Variants in RIC3 observed in about 807,000 individuals in gnomAD.
RIC3 encodes RIC3 acetylcholine receptor chaperone, also known as protein RIC-3.
RIC3 carries 28 observed loss-of-function variants against 27.3 expected under a neutral mutation model. The observed-to-expected ratio is 1.02, with a 90% CI of 0.76 to 1.41. The LOEUF is 1.41. Among genes scored for constraint, RIC3 ranks in the 40% most tolerant of loss-of-function variants. The pLI is 0.00. For synonymous variants in RIC3, 184 were observed against 160.4 expected (o/e 1.15, Z -1.11); for missense variants, 501 against 444.7 (o/e 1.13, Z -1.14).
At chr11:8,147,206 T>C (rs2134039228) in intron 1 of RIC3, among the ~76,000 whole-genome samples, 2 of 152,350 alleles carry the variant, frequency 1.3e-5, no homozygotes, top group South Asian at 4.1e-4. Flanking sequence ...CAAACCAATG[T>C]ACTTCTTACA....
Position 8,110,329 on chromosome 11 carries a change from A to G in RIC3, c.*369T>C. Reference sequence around the variant, plus strand: ...GCAACCTTAAGTCCTCATCATCTGTAAGCTGATGTTCGTTCACAGGTGAAC... The same window carrying G: ...GCAACCTTAAGTCCTCATCATCTGTGAGCTGATGTTCGTTCACAGGTGAAC... On this transcript the variant is annotated 3_prime_UTR_variant, in exon 6 of 6. Transcript: ENST00000309737. The G allele has an allele frequency of 2.8e-6, 1 of 361,832 alleles. No homozygotes were observed. Among genetic ancestry groups the G allele is most frequent in the Non-Finnish European group, 5.3e-6 (1 of 188,296 alleles). The allele number at this position is 361,832 out of a possible 1,614,324, so 22.4% of individuals were successfully genotyped here. A position where few individuals can be genotyped will look rare whatever the true frequency, so the allele number is the denominator to read the frequency against.
At chr11:8,168,699 C>T (rs577527730) in intron 1 of RIC3, among the ~76,000 whole-genome samples, 167 bp downstream of exon 1, 2 of 152,368 alleles carry the variant, frequency 1.3e-5, no homozygotes, top group Admixed American at 6.5e-5. Context: ...CTGATAACAA[C>T]GGAACCGTGG....
chr11:8,101,850 T>C, downstream of RIC3: 2 of 482,828 alleles, frequency 4.1e-6, no homozygotes, highest in Non-Finnish European at 3.4e-6. Context: ...GAATAATTCT[T>C]TCCATGCCAC....
At chr11:8,165,154 C>T (rs1367739733) in intron 1 of RIC3, among the ~76,000 whole-genome samples, 1 of 152,154 alleles carries the variant, frequency 6.6e-6, no homozygotes, top group East Asian at 1.9e-4. Flanking sequence ...ACGCTTAGTT[C>T]CAGCCACACT....
intron 1 of RIC3, among the ~76,000 whole-genome samples, chr11:8,165,767 T>G (rs7944426): frequency 1.3e-4 from 14 of 111,242 alleles, no homozygotes; most frequent in Non-Finnish European, 1.9e-4. Flanking sequence ...TTTTTTGGGG[T>G]TTTTTTTTTG....
chr11:8,120,480 G>A lies in RIC3; in HGVS notation c.670+6179C>T, dbSNP rs185215675. ...CTCATAGGTGGGAACTGAACAATGA[G>A]ATCACTTGGACACAGGGTGAGGAAC... On this transcript the variant is annotated intron_variant, in intron 5 of 5. Coordinates refer to ENST00000309737, the MANE Select transcript of RIC3 (RefSeq NM_001206671.4). 3.3e-5 allele frequency among the ~76,000 whole-genome samples: 5 copies of A among 152,250 alleles called. No homozygotes were observed. The East Asian group carries it at 7.7e-4, about 24-fold the overall frequency.
the RIC3 span, chr11:8,100,663 A>G: frequency 6.4e-7 from 1 of 1,562,448 alleles, no homozygotes; most frequent in Non-Finnish European, 8.8e-7. Context: ...TGAGCTTCTA[A>G]GGGCAGAACT....
intron 1 of RIC3, among the ~76,000 whole-genome samples, chr11:8,160,121 G>C (rs770649118): frequency 7.9e-5 from 12 of 152,184 alleles, no homozygotes; most frequent in Admixed American, 2.6e-4. Flanking sequence ...TGACTTTTTA[G>C]GTGTGACAAT....
downstream of RIC3, chr11:8,102,485 A>G (rs1196013699): frequency 6.6e-6 from 1 of 152,254 alleles, no homozygotes; most frequent in Non-Finnish European, 1.5e-5. Flanking sequence ...CACAACCCCC[A>G]GGAAACACAA....
chr11:8,150,664 T>C (rs1170845565), intron 1 of RIC3, among the ~76,000 whole-genome samples: 11 of 152,182 alleles, frequency 7.2e-5, no homozygotes, highest in Non-Finnish European at 1.5e-4. Flanking sequence ...AAAAATGCGC[T>C]AGCCAAAGAT....
At chr11:8,147,886 C>T (rs1480375362) in intron 1 of RIC3, among the ~76,000 whole-genome samples, 1 of 152,036 alleles carries the variant, frequency 6.6e-6, no homozygotes, top group African/African-American at 2.4e-5. Flanking sequence ...TGCCACCACG[C>T]CCAACTAATT....
At chr11:8,162,580 G>A (rs1451344963) in intron 1 of RIC3, among the ~76,000 whole-genome samples, 1 of 150,172 alleles carries the variant, frequency 6.7e-6, no homozygotes, top group African/African-American at 2.5e-5. Context: ...CAACTTCTCT[G>A]GTGTCTTCTC....
chr11:8,112,299 T>C (rs1192077835), intron 5 of RIC3, among the ~76,000 whole-genome samples: 1 of 151,102 alleles, frequency 6.6e-6, no homozygotes, highest in African/African-American at 2.4e-5. Context: ...CTTTTCTTTT[T>C]TTTTTTTTGA....
chr11:8,153,159 T>C (rs1445215100), intron 1 of RIC3, among the ~76,000 whole-genome samples: 2 of 152,146 alleles, frequency 1.3e-5, no homozygotes, highest in Admixed American at 1.3e-4. Flanking sequence ...CAATGGAACA[T>C]ATAGACTAGA....
At chr11:8,117,328 G>C (rs1945961747) in intron 5 of RIC3, among the ~76,000 whole-genome samples, 1 of 152,238 alleles carries the variant, frequency 6.6e-6, no homozygotes, top group African/African-American at 2.4e-5. Flanking sequence ...GCCTCCCAAA[G>C]TGTTGGGATT....
rs1945068965 is a variant in RIC3 at position 8,110,036 on chromosome 11, T to A, written c.*662A>T. Reference sequence around the variant, plus strand: ...GCTAGATATCCAGGTAGTATCAGAGTAAAACAGTCCCCAAACAAGCCTCTG... The same window carrying A: ...GCTAGATATCCAGGTAGTATCAGAGAAAAACAGTCCCCAAACAAGCCTCTG... On this transcript the variant is annotated 3_prime_UTR_variant, in exon 6 of 6. Coordinates refer to ENST00000309737, the MANE Select transcript of RIC3 (RefSeq NM_001206671.4). 1 of 156,744 alleles carries A rather than the reference T, an allele frequency of 6.4e-6. No individual in the cohort carries two copies. The highest frequency in any genetic ancestry group is 1.4e-5 in the Non-Finnish European group (1 of 70,882). 9.7% of individuals were successfully genotyped at this position (156,744 alleles called of 1,614,324 possible).
At position 8,164,117 on chromosome 11, in the gene RIC3, T is replaced by C. The variant is rs1031198454; in HGVS notation, c.124+4749A>G. Reference sequence around the variant, plus strand: ...AGAAAAGAAGAGTCTTTTCAACAAATGGTGCTGGGGCAACTATATATCCAC... The same window carrying C: ...AGAAAAGAAGAGTCTTTTCAACAAACGGTGCTGGGGCAACTATATATCCAC... On this transcript the variant is annotated intron_variant, in intron 1 of 5. Transcript: ENST00000309737. 2.0e-5 allele frequency among the ~76,000 whole-genome samples: 3 copies of C among 152,186 alleles called. No homozygotes were observed. In the East Asian group the frequency reaches 5.8e-4, roughly 29 times the overall value.
chr11:8,153,695 G>A (rs562204125), intron 1 of RIC3, among the ~76,000 whole-genome samples: 2 of 152,130 alleles, frequency 1.3e-5, no homozygotes, highest in African/African-American at 2.4e-5. Context: ...TCCAAAATGT[G>A]TACTTCTAGT....
At chr11:8,128,093 T>C (rs780654586) in intron 4 of RIC3, 15 of 413,158 alleles carry the variant, frequency 3.6e-5, no homozygotes, top group Non-Finnish European at 7.1e-5. Flanking sequence ...GATAGCTCTA[T>C]TCTTCCCATC....
Sources: gnomAD v4.1 joint callset for allele counts (sites outside exome capture counted in the v4.1 genomes callset) on GRCh38, gnomAD v4.1.1 for gene constraint, MANE v1.5 for transcripts, NCBI Gene and HGNC (gene_info 2026-07-23, HGNC 2026-07-21) for gene names.